Variants in ULK4 observed in about 807,000 individuals in gnomAD.
The protein encoded by ULK4 is unc-51 like kinase 4, also known as inactive serine/threonine-protein kinase ULK4.
ULK4 carries 133 observed loss-of-function variants against 160.6 expected under a neutral mutation model. That is an observed-to-expected ratio of 0.83 (90% CI 0.72 to 0.96). ULK4 has a LOEUF of 0.96. Among genes scored for constraint, ULK4 ranks in the 40% least tolerant of loss-of-function variants. ULK4 has a pLI of 0.00. For missense variants in ULK4, 1,580 were observed against 1,499.5 expected, an observed-to-expected ratio of 1.05 and a Z score of -0.89; for synonymous variants, 534 against 539.8, an observed-to-expected ratio of 0.99 and a Z score of 0.15.
intron 35 of ULK4, among the ~76,000 whole-genome samples, chr3:41,292,861 T>C (rs1478935022): frequency 6.6e-6 from 1 of 152,122 alleles, no homozygotes; most frequent in Non-Finnish European, 1.5e-5. Flanking sequence ...GAAGAATTGC[T>C]TGAACCTGGG....
chr3:41,303,478 C>T (rs1480390099), intron 35 of ULK4, among the ~76,000 whole-genome samples: 1 of 152,208 alleles, frequency 6.6e-6, no homozygotes, highest in Non-Finnish European at 1.5e-5. Context: ...GAATAACATG[C>T]AGCTGTCTCT....
At chr3:41,281,250 T>C (rs2079346796) in intron 35 of ULK4, among the ~76,000 whole-genome samples, 1 of 152,216 alleles carries the variant, frequency 6.6e-6, no homozygotes. Context: ...CCATTCCTTC[T>C]GAAAATATTC....
intron 30 of ULK4, among the ~76,000 whole-genome samples, chr3:41,656,677 A>T (rs942483105): frequency 6.6e-6 from 1 of 152,198 alleles, no homozygotes; most frequent in Non-Finnish European, 1.5e-5. Context: ...TCAACACTAT[A>T]CCATTAATTC....
chr3:41,673,966 C>T (rs2035620705), intron 29 of ULK4, among the ~76,000 whole-genome samples: 1 of 152,152 alleles, frequency 6.6e-6, no homozygotes, highest in South Asian at 2.1e-4. Context: ...TTGTGTTAAC[C>T]ATTGCATCCC....
intron 35 of ULK4, among the ~76,000 whole-genome samples, chr3:41,316,293 C>T (rs529221746): frequency 1.5e-4 from 23 of 152,254 alleles, no homozygotes; most frequent in Admixed American, 5.2e-4. Context: ...AAGAGGCTGA[C>T]TTTTGGGGTG....
intron 34 of ULK4, among the ~76,000 whole-genome samples, chr3:41,401,223 G>A (rs1291378202): frequency 6.6e-6 from 1 of 152,082 alleles, no homozygotes; most frequent in Non-Finnish European, 1.5e-5. Context: ...CACGTGTCCT[G>A]AAGACTTTCT....
chr3:41,725,528 G>T, intron 22 of ULK4, among the ~76,000 whole-genome samples: 1 of 151,852 alleles, frequency 6.6e-6, no homozygotes, highest in East Asian at 1.9e-4. Flanking sequence ...TTCAATTATT[G>T]TATTTTTCAG....
intron 30 of ULK4, among the ~76,000 whole-genome samples, chr3:41,660,023 C>T (rs1182184851): frequency 2.6e-5 from 4 of 152,142 alleles, no homozygotes; most frequent in Non-Finnish European, 5.9e-5. Flanking sequence ...GGCAAGGTGG[C>T]TCACGCCTGT....
intron 32 of ULK4, among the ~76,000 whole-genome samples, chr3:41,470,046 A>AC (rs2083946576): frequency 8.6e-6 from 1 of 115,942 alleles, no homozygotes; most frequent in Non-Finnish European, 1.8e-5. Flanking sequence ...AAAAAAAAAA[A>AC]CAAAGTATTT....
At chr3:41,532,470 T>G (rs576573586) in intron 32 of ULK4, among the ~76,000 whole-genome samples, 3 of 152,192 alleles carry the variant, frequency 2.0e-5, no homozygotes, top group Non-Finnish European at 4.4e-5. Context: ...TCATCTTAAT[T>G]TTGTTTGTTT....
intron 32 of ULK4, among the ~76,000 whole-genome samples, chr3:41,561,322 T>C (rs145000854): frequency 0.017 from 2,520 of 152,258 alleles, 61 homozygotes; most frequent in African/African-American, 0.058. Flanking sequence ...GGTCTAAAAT[T>C]CTCTTTTTTG....
At chr3:41,643,019 C>A (rs556626605) in intron 30 of ULK4, among the ~76,000 whole-genome samples, 29,380 of 151,896 alleles carry the variant, frequency 0.19, 3,004 homozygotes, top group African/African-American at 0.25. Context: ...ATATCCTTCG[C>A]CCAGTTTTTG....
intron 22 of ULK4, among the ~76,000 whole-genome samples, chr3:41,742,398 C>T (rs1411514838): frequency 4.6e-5 from 7 of 151,882 alleles, no homozygotes; most frequent in African/African-American, 1.7e-4. Flanking sequence ...GAGTGGAGAG[C>T]TATCTTCCAT....
chr3:41,482,015 G>A (rs560798815), intron 32 of ULK4, among the ~76,000 whole-genome samples: 35 of 152,086 alleles, frequency 2.3e-4, no homozygotes, highest in African/African-American at 6.7e-4. Context: ...GGGTGGGTGC[G>A]TTCCTCCTCT....
chr3:41,677,856 G>A (rs1320727318), intron 29 of ULK4, among the ~76,000 whole-genome samples: 4 of 152,012 alleles, frequency 2.6e-5, no homozygotes, highest in South Asian at 4.2e-4. Context: ...TGAGATTAAC[G>A]TTTGAATCGG....
chr3:41,807,632 T>G (rs753764380), intron 19 of ULK4, among the ~76,000 whole-genome samples: 35 of 152,192 alleles, frequency 2.3e-4, no homozygotes, highest in Non-Finnish European at 4.6e-4. Context: ...ATCTAGAGCA[T>G]GAAAAGTAGT....
intron 35 of ULK4, among the ~76,000 whole-genome samples, chr3:41,290,076 T>G (rs1338810425): frequency 2.0e-5 from 3 of 152,164 alleles, no homozygotes; most frequent in African/African-American, 7.2e-5. Flanking sequence ...AGTTCCTCCA[T>G]GTTGGTCAGG....
rs200832000 is a variant in ULK4, at chr3:41,389,436, T to C, written c.3678+8643A>G. ...GAATAGGAGTGGTGAGAGAGGGCAT[T>C]CCTGTCTTGTGCCAGTTTTCAAAGG... On this transcript the variant is annotated intron_variant, in intron 35 of 36. Coordinates refer to ENST00000301831, the MANE Select transcript of ULK4 (RefSeq NM_017886.4). 6.6e-3 allele frequency among the ~76,000 whole-genome samples: 1,008 copies of C among 152,138 alleles called. 4 individuals carry two copies. Among genetic ancestry groups the C allele is most frequent in the East Asian group, 0.015 (78 of 5,168 alleles).
chr3:41,326,451 C>CAT (rs10660377), intron 35 of ULK4, among the ~76,000 whole-genome samples: 9,631 of 146,564 alleles, frequency 0.066, 592 homozygotes, highest in East Asian at 0.16. Flanking sequence ...TGCATATATA[C>CAT]ATATATATAT....
Sources: allele counts gnomAD v4.1 joint callset (sites outside exome capture counted in the v4.1 genomes callset), GRCh38; gene constraint gnomAD v4.1.1; transcripts MANE v1.5; gene names NCBI Gene and HGNC (gene_info 2026-07-23, HGNC 2026-07-21).